Variants in DCHS2 observed in about 807,000 individuals in gnomAD.
DCHS2 encodes the protein protocadherin-23.
DCHS2 carries 142 observed loss-of-function variants against 182.4 expected under a neutral mutation model. That is an observed-to-expected ratio of 0.78 (90% CI 0.68 to 0.89). The LOEUF (loss-of-function observed/expected upper bound fraction) is 0.89. Ranked by LOEUF, DCHS2 falls within the 40% of genes least tolerant of loss-of-function variation. DCHS2 has a pLI of 0.00. For missense variants in DCHS2, 4,319 were observed against 4,198.6 expected, an observed-to-expected ratio of 1.03 and a Z score of -0.79; for synonymous variants, 1,740 against 1,663.3, an observed-to-expected ratio of 1.05 and a Z score of -1.12.
intron 1 of DCHS2, among the ~76,000 whole-genome samples, chr4:154,445,829 A>G (rs989985313): frequency 6.6e-6 from 1 of 151,606 alleles, no homozygotes; most frequent in African/African-American, 2.4e-5. Flanking sequence ...AAAAAAACGA[A>G]AGAAAGAAAG....
chr4:154,408,428 C>A lies in DCHS2; in HGVS notation c.2053-30984G>T, dbSNP rs1732488182. ...CAATCTATAATTTGTATATGTTGAC[C>A]ACGGAAAATAAAATGTACTGGCTTT... On this transcript the variant is annotated intron_variant, in intron 1 of 19. Transcript: ENST00000357232. 3.3e-5 allele frequency among the ~76,000 whole-genome samples: 5 copies of A among 152,044 alleles called. No homozygotes were observed. The South Asian group carries it at 1.0e-3, about 32-fold the overall frequency.
At chr4:154,461,126 C>T (rs998364871) in intron 1 of DCHS2, among the ~76,000 whole-genome samples, 9 of 152,186 alleles carry the variant, frequency 5.9e-5, no homozygotes, top group Non-Finnish European at 1.3e-4. Context: ...AGGACTCAGG[C>T]ACAGCCCTTT....
Position 154,490,244 on chromosome 4 carries a change from A to G in DCHS2, c.1112T>C (p.Leu371Pro), listed in dbSNP as rs1258603477. Residue 371 changes from leucine to proline, a missense_variant, in exon 1 of 20, where the codon CTG becomes CCG. By Grantham distance (98) the Leu-to-Pro change is moderately conservative. Coordinates refer to ENST00000357232, the MANE Select transcript of DCHS2 (RefSeq NM_001358235.2). ...LSGVVRVWRP[L>P]DREAQAWHQL... ...GTGCCAGGCCTGTGCCTCGCGGTCC[A>G]GAGGTCTCCACACTCGCACCACGCC... 1 of 1,549,630 alleles carries G rather than the reference A, an allele frequency of 6.5e-7. No homozygotes were observed. The highest frequency in any genetic ancestry group is 8.7e-7 in the Non-Finnish European group (1 of 1,146,834).
chr4:154,285,437 T>C (rs533500023), intron 13 of DCHS2, among the ~76,000 whole-genome samples: 1 of 152,250 alleles, frequency 6.6e-6, no homozygotes, highest in East Asian at 1.9e-4. Flanking sequence ...CTTAGGATCA[T>C]TGATTCCGGG....
chr4:154,263,794 A>G (rs78718534), intron 14 of DCHS2, among the ~76,000 whole-genome samples: 9,147 of 151,998 alleles, frequency 0.06, 547 homozygotes, highest in Admixed American at 0.18. Context: ...GAACAAACTC[A>G]TGAATACAAT....
At chr4:154,243,545 T>C (rs1731938438) in intron 16 of DCHS2, among the ~76,000 whole-genome samples, 1 of 152,166 alleles carries the variant, frequency 6.6e-6, no homozygotes, top group Non-Finnish European at 1.5e-5. Context: ...TCCCCAGCCA[T>C]TTCACTCCTA....
At chr4:154,438,951 C>T (rs1320027910) in intron 1 of DCHS2, among the ~76,000 whole-genome samples, 1 of 152,104 alleles carries the variant, frequency 6.6e-6, no homozygotes, top group Non-Finnish European at 1.5e-5. Context: ...TTTCCATGCC[C>T]CTTAACTATT....
In DCHS2 at chr4:154,489,784, C is replaced by A; in HGVS notation, c.1572G>T (p.Thr524=). 6.4e-7 allele frequency: 1 copy of A among 1,551,626 alleles called. No homozygotes were observed. Among genetic ancestry groups the A allele is most frequent in the Non-Finnish European group, 8.7e-7 (1 of 1,146,942 alleles). ...TGAGGTCAGCGACCCGGAGTAGCAG[C>A]GTCTCCTCCGTGCTCAGCGGCGGGG... The part of the protein sequence containing the change: ...AGSPPLSTEE[T]LLLRVADLND... The change falls in exon 1 of 20, where the codon ACG becomes ACT. Residue 524 remains threonine, a synonymous_variant. Transcript: ENST00000357232.
intron 1 of DCHS2, among the ~76,000 whole-genome samples, chr4:154,395,085 G>A (rs531442145): frequency 1.3e-5 from 2 of 152,170 alleles, no homozygotes; most frequent in East Asian, 3.9e-4. Flanking sequence ...AAGCTATTTT[G>A]TGTTTTAAAT....
At chr4:154,403,463 C>G (rs547104942) in intron 1 of DCHS2, among the ~76,000 whole-genome samples, 1 of 151,844 alleles carries the variant, frequency 6.6e-6, no homozygotes. Context: ...CATTGATTTT[C>G]AAATGTTGAA....
intron 13 of DCHS2, among the ~76,000 whole-genome samples, chr4:154,278,833 C>G (rs771169294): frequency 3.3e-5 from 5 of 151,934 alleles, no homozygotes; most frequent in Non-Finnish European, 7.4e-5. Context: ...GATAAACAAA[C>G]GTTGAGGGAT....
chr4:154,259,416 A>G, intron 15 of DCHS2, 129 bp downstream of exon 15: 1 of 1,440,342 alleles, frequency 6.9e-7, no homozygotes, highest in South Asian at 1.5e-5. Context: ...CATGGCCTGG[A>G]AAGAGTGTTG....
intron 1 of DCHS2, among the ~76,000 whole-genome samples, chr4:154,382,057 A>G (rs1448360240): frequency 6.6e-6 from 1 of 152,196 alleles, no homozygotes. Flanking sequence ...ACAGTAACCA[A>G]AACAGCATGG....
chr4:154,476,061 A>G (rs780808805), intron 1 of DCHS2, among the ~76,000 whole-genome samples: 4 of 152,228 alleles, frequency 2.6e-5, no homozygotes, highest in African/African-American at 7.2e-5. Flanking sequence ...TATATCTACT[A>G]TAATTGTCTT....
intron 1 of DCHS2, among the ~76,000 whole-genome samples, chr4:154,476,110 C>A (rs1320483644): frequency 6.6e-6 from 1 of 152,072 alleles, no homozygotes; most frequent in Non-Finnish European, 1.5e-5. Flanking sequence ...AACTAGAGAA[C>A]AGAATAAACT....
intron 1 of DCHS2, among the ~76,000 whole-genome samples, chr4:154,401,320 G>A (rs1419059706): frequency 6.6e-6 from 1 of 152,170 alleles, no homozygotes; most frequent in Non-Finnish European, 1.5e-5. Context: ...TATGAGTGAA[G>A]CTGCCATGAA....
At position 154,329,672 on chromosome 4, in the gene DCHS2, G is replaced by A. The variant is rs1186747227; in HGVS notation, c.3769C>T (p.Arg1257Trp). Residue 1257 changes from arginine to tryptophan, a missense_variant, in exon 6 of 20, where the codon CGG becomes TGG. Coordinates refer to ENST00000357232, the MANE Select transcript of DCHS2 (RefSeq NM_001358235.2). ...INWVALDREH[R>W]GHHEMTVLVT... ...AGCACAGTCATCTCATGGTGCCCCC[G>A]GTGCTCACGATCCAGTGCCACCCAA... is the stretch of plus-strand genomic sequence containing the variant. 8.1e-6 allele frequency: 13 copies of A among 1,611,880 alleles called. No individual in the cohort carries two copies. The highest frequency in any genetic ancestry group is 5.3e-5 in the African/African-American group (4 of 74,804).
intron 1 of DCHS2, among the ~76,000 whole-genome samples, chr4:154,392,090 A>T (rs1237146291): frequency 2.0e-5 from 3 of 152,046 alleles, no homozygotes; most frequent in Non-Finnish European, 2.9e-5. Flanking sequence ...CTTTATATAC[A>T]CCAAAAGCTT....
At chr4:154,461,882 T>C (rs1735022264) in intron 1 of DCHS2, among the ~76,000 whole-genome samples, 4 of 152,174 alleles carry the variant, frequency 2.6e-5, no homozygotes, top group Non-Finnish European at 4.4e-5. Context: ...AGAGGAAGAC[T>C]TTCCCATACT....
Sources: allele counts gnomAD v4.1 joint callset (sites outside exome capture counted in the v4.1 genomes callset), GRCh38; gene constraint gnomAD v4.1.1; transcripts MANE v1.5; gene names NCBI Gene and HGNC (gene_info 2026-07-23, HGNC 2026-07-21).